The following FARP1 variants were observed in gnomAD, a reference collection of about 807,000 sequenced individuals.
FARP1 encodes the protein FERM, ARHGEF and pleckstrin domain-containing protein 1.
A neutral mutation model predicts 128.8 loss-of-function variants in FARP1; 52 were observed. That is an observed-to-expected ratio of 0.40 (90% CI 0.32 to 0.51). The LOEUF is 0.51. FARP1 is among the 20% of genes least tolerant of loss of function. FARP1 has a pLI of 0.45. For missense variants in FARP1, 1,333 were observed against 1,367.9 expected, an observed-to-expected ratio of 0.97 and a Z score of 0.40; for synonymous variants, 580 against 551.8, an observed-to-expected ratio of 1.05 and a Z score of -0.72.
intron 2 of FARP1, among the ~76,000 whole-genome samples, chr13:98,222,969 A>G (rs1023338893): frequency 6.6e-6 from 1 of 152,008 alleles, no homozygotes; most frequent in Non-Finnish European, 1.5e-5. Flanking sequence ...GATGGGTTGA[A>G]GAGGGCGGAG....
intron 2 of FARP1, among the ~76,000 whole-genome samples, chr13:98,268,778 T>TTGTGTGTGTGTGTGTGTG (rs59132299): frequency 2.0e-5 from 3 of 148,184 alleles, no homozygotes; most frequent in African/African-American, 5.0e-5. Flanking sequence ...TTTCCCTTCT[T>TTGTGTGTGTGTGTGTGTG]TGTGTGTGTG....
intron 2 of FARP1, chr13:98,244,893 C>A: frequency 1.7e-5 from 24 of 1,421,228 alleles, no homozygotes; most frequent in Non-Finnish European, 2.1e-5. Flanking sequence ...CCCATCCACT[C>A]CTAAACGGGT....
intron 10 of FARP1, 65 bp from the exon 11 acceptor site, chr13:98,390,747 A>G (rs372806288): frequency 3.8e-5 from 46 of 1,225,870 alleles, no homozygotes; most frequent in Non-Finnish European, 4.7e-5. Flanking sequence ...CTGAAGCATC[A>G]TTTGTGTGTT....
chr13:98,446,570 T>A, intron 25 of FARP1, 96 bp from the exon 26 acceptor site: 3 of 1,330,156 alleles, frequency 2.3e-6, no homozygotes, highest in Non-Finnish European at 3.2e-6. Flanking sequence ...GGGAGCTGCC[T>A]GGGCTCCCAA....
chr13:98,378,391 T>G (rs1889683147), intron 6 of FARP1, among the ~76,000 whole-genome samples: 1 of 152,200 alleles, frequency 6.6e-6, no homozygotes. Flanking sequence ...CCCTAGATAT[T>G]TTAATTTGCC....
At chr13:98,316,258 C>G (rs1684541000) in intron 2 of FARP1, among the ~76,000 whole-genome samples, 1 of 152,150 alleles carries the variant, frequency 6.6e-6, no homozygotes, top group South Asian at 2.1e-4. Context: ...CTAAAAAAGT[C>G]ATAACACCAT....
chr13:98,312,268 G>A (rs915977651), intron 2 of FARP1, among the ~76,000 whole-genome samples: 1 of 150,166 alleles, frequency 6.7e-6, no homozygotes, highest in Non-Finnish European at 1.5e-5. Flanking sequence ...AGCCTCCCTA[G>A]TAGCTGGGAC....
At chr13:98,421,553 A>AC (rs1891593660) in intron 16 of FARP1, among the ~76,000 whole-genome samples, 2 of 152,206 alleles carry the variant, frequency 1.3e-5, no homozygotes, top group Non-Finnish European at 2.9e-5. Context: ...TCTGGAGCCA[A>AC]TTATTTAAGT....
chr13:98,411,942 A>C lies in FARP1; in HGVS notation c.1734A>C (p.Glu578Asp), dbSNP rs768731786. ...TGAGCAAAGAGGACGCCATGCCGGAAGCACTGAAAAGTCTCATATTCCCGA... is the reference window on the plus strand; with the variant it reads ...TGAGCAAAGAGGACGCCATGCCGGACGCACTGAAAAGTCTCATATTCCCGA... ...STVSKEDAMP[E>D]ALKSLIFPNF... Residue 578 changes from glutamate to aspartate, a missense_variant, in exon 16 of 27, where the codon GAA becomes GAC. Coordinates refer to ENST00000319562, the MANE Select transcript of FARP1 (RefSeq NM_005766.4). 2 of 1,614,130 alleles carry C rather than the reference A, an allele frequency of 1.2e-6. No homozygotes were observed. The highest frequency in any genetic ancestry group is 2.2e-5 in the South Asian group (2 of 91,076).
chr13:98,347,471 GTCA>G (rs1212012592), intron 3 of FARP1, among the ~76,000 whole-genome samples: 1 of 152,096 alleles, frequency 6.6e-6, no homozygotes, highest in Non-Finnish European at 1.5e-5. Flanking sequence ...CTTTAGACAC[GTCA>G]TCAAGTAAGT....
Position 98,440,660 on chromosome 13 carries a change from C to T in FARP1, c.2630-10C>T, listed in dbSNP as rs1892485367. 3 of 1,602,088 alleles carry T rather than the reference C, an allele frequency of 1.9e-6. No homozygotes were observed. Among genetic ancestry groups the T allele is most frequent in the Non-Finnish European group, 2.6e-6 (3 of 1,174,144 alleles). ...AGATCAGAAGTGCTGCCTTTTGCCC[C>T]ATCCTGTAGAGTCCCCTGATGAAGC... On this transcript the variant is annotated splice_polypyrimidine_tract_variant and intron_variant, in intron 23 of 26. Coordinates refer to ENST00000319562, the MANE Select transcript of FARP1 (RefSeq NM_005766.4).
At chr13:98,253,171 A>T (rs184339202) in intron 2 of FARP1, among the ~76,000 whole-genome samples, 1 of 152,334 alleles carries the variant, frequency 6.6e-6, no homozygotes, top group East Asian at 1.9e-4. Context: ...TCTGATCTTT[A>T]AAAAGGGTGT....
chr13:98,361,171 C>T (rs975182442), intron 3 of FARP1, among the ~76,000 whole-genome samples: 1 of 152,200 alleles, frequency 6.6e-6, no homozygotes, highest in South Asian at 2.1e-4. Context: ...TGCCCCAGAC[C>T]TTCTCCCTCA....
At chr13:98,245,083 C>T in intron 2 of FARP1, 2 of 1,014,794 alleles carry the variant, frequency 2.0e-6, no homozygotes, top group Non-Finnish European at 2.4e-6. Context: ...ATCTTCCTTT[C>T]CTGAGTGGTC....
intron 2 of FARP1, among the ~76,000 whole-genome samples, chr13:98,256,498 G>A (rs564891536): frequency 3.8e-4 from 58 of 151,782 alleles, no homozygotes; most frequent in African/African-American, 1.2e-3. Context: ...TGTGCTTAAT[G>A]TTATTGGTCT....
intron 3 of FARP1, 42 bp downstream of exon 3, chr13:98,343,908 C>A (rs1394955904): frequency 2.3e-6 from 3 of 1,309,570 alleles, no homozygotes; most frequent in South Asian, 1.2e-5. Context: ...ACTGTCTGTT[C>A]ATCTTGGTGG....
At chr13:98,338,845 C>T (rs954603239) in intron 2 of FARP1, 1 of 152,144 alleles carries the variant, frequency 6.6e-6, no homozygotes, top group Non-Finnish European at 1.5e-5. Flanking sequence ...AATGATGCTG[C>T]AAGCTGATGA....
intron 1 of FARP1, among the ~76,000 whole-genome samples, chr13:98,188,740 C>T (rs1275721716): frequency 1.3e-5 from 2 of 152,128 alleles, no homozygotes; most frequent in African/African-American, 2.4e-5. Context: ...GTCCACACCC[C>T]CTGCACTCTG....
intron 8 of FARP1, 194 bp downstream of exon 8, chr13:98,386,008 C>T: frequency 1.7e-6 from 1 of 584,312 alleles, no homozygotes; most frequent in Non-Finnish European, 3.0e-6. Flanking sequence ...CTTACCTTTG[C>T]CCTGTTTGGG....
Sources: allele counts gnomAD v4.1 joint callset (sites outside exome capture counted in the v4.1 genomes callset), GRCh38; gene constraint gnomAD v4.1.1; transcripts MANE v1.5; gene names NCBI Gene and HGNC (gene_info 2026-07-23, HGNC 2026-07-21).